NYNRIN: variants seen among roughly 807,000 people sequenced by gnomAD.
The protein encoded by NYNRIN is NYN domain and retroviral integrase containing.
NYNRIN carries 86 observed loss-of-function variants against 146.6 expected under a neutral mutation model. The ratio of observed to expected loss-of-function variants is 0.59; its 90% CI spans 0.49 to 0.70. NYNRIN has a LOEUF of 0.70. Among genes scored for constraint, NYNRIN ranks in the 30% least tolerant of loss-of-function variants. The pLI is 0.00. For missense variants in NYNRIN, 2,191 were observed against 2,377.7 expected (o/e 0.92, Z 1.63); for synonymous variants, 1,027 against 1,001.3 (o/e 1.03, Z -0.48).
chr14:24,416,482 A>C lies in NYNRIN; in HGVS notation c.4733A>C (p.His1578Pro). 1 of 1,613,498 alleles carries C rather than the reference A, an allele frequency of 6.2e-7. No homozygotes were observed. Among genetic ancestry groups the C allele is most frequent in the Non-Finnish European group, 8.5e-7 (1 of 1,179,672 alleles). The change falls in exon 9 of 9, where the codon CAT becomes CCT. Residue 1578 changes from histidine to proline, a missense_variant. Coordinates refer to ENST00000382554, the MANE Select transcript of NYNRIN (RefSeq NM_025081.3). ...LLGWWPGMQE[H>P]VKDYCRSCLF... ...GGGTGGTGGCCTGGGATGCAGGAGCATGTGAAAGATTACTGCAGGAGCTGC... is the reference window on the plus strand; with the variant it reads ...GGGTGGTGGCCTGGGATGCAGGAGCCTGTGAAAGATTACTGCAGGAGCTGC...
In NYNRIN at chr14:24,408,981, C is replaced by T. The variant is rs781246698; in HGVS notation, c.1187C>T (p.Pro396Leu). ...ACFNFPFWQR[P>L]LGPIQLKLPG... ...TTCAATTTCCCCTTCTGGCAGAGAC[C>T]TCTGGGCCCCATTCAGTTGAAGCTG... Residue 396 changes from proline to leucine, a missense_variant, in exon 4 of 9, where the codon CCT becomes CTT. Pro to Leu is a moderately conservative substitution (Grantham distance 98, BLOSUM62 -3). Coordinates refer to ENST00000382554, the MANE Select transcript of NYNRIN (RefSeq NM_025081.3). The T allele has an allele frequency of 5.6e-6, 9 of 1,613,768 alleles. No homozygotes were observed. The highest frequency in any genetic ancestry group is 2.7e-5 in the African/African-American group (2 of 74,950).
At chr14:24,401,111 C>T (rs1414327060) in intron 2 of NYNRIN, among the ~76,000 whole-genome samples, 1 of 152,134 alleles carries the variant, frequency 6.6e-6, no homozygotes, top group African/African-American at 2.4e-5. Context: ...TTCGGAGGTA[C>T]CCCCGCCACC....
intron 2 of NYNRIN, among the ~76,000 whole-genome samples, chr14:24,401,480 G>C (rs1287178808): frequency 6.6e-6 from 1 of 152,118 alleles, no homozygotes; most frequent in East Asian, 1.9e-4. Context: ...GGGGATCTGG[G>C]TTTGATATGC....
At chr14:24,406,282 T>C (rs928700198) in intron 2 of NYNRIN, among the ~76,000 whole-genome samples, 5 of 150,266 alleles carry the variant, frequency 3.3e-5, no homozygotes, top group Non-Finnish European at 5.9e-5. Flanking sequence ...ATAAATATTC[T>C]AAGCTCTCTG....
At position 24,411,150 on chromosome 14, in the gene NYNRIN, G is replaced by A. The variant is rs540767530; in HGVS notation, c.2489G>A (p.Arg830Gln). ...AVQFFWNRGH[R>Q]EVTVFVPTWQ... is the part of the protein sequence containing the mutation. ...CAGTTTTTCTGGAACCGGGGACACC[G>A]AGAGGTCACTGTGTTTGTACCCACC... is the stretch of plus-strand genomic sequence containing the variant. Residue 830 changes from arginine to glutamine, a missense_variant, in exon 5 of 9, where the codon CGA becomes CAA. Physicochemically the swap from Arg to Gln is conservative, Grantham distance 43. Coordinates refer to ENST00000382554, the MANE Select transcript of NYNRIN (RefSeq NM_025081.3). This position sits in a 1 kb window ranked among gnomAD's most constrained non-coding sequence, Gnocchi z 4.3. 1.9e-6 allele frequency: 3 copies of A among 1,609,986 alleles called. No individual in the cohort carries two copies. The highest frequency in any genetic ancestry group is 1.1e-5 in the South Asian group (1 of 90,686).
Position 24,404,323 on chromosome 14 carries a change from A to G in NYNRIN, c.199-3546A>G, listed in dbSNP as rs145894274. ...TTCTGCCATCAAATTTTTAATGTCTAGAAGTCACTTATATTCTCTCTGTTA... is the reference window on the plus strand; with the variant it reads ...TTCTGCCATCAAATTTTTAATGTCTGGAAGTCACTTATATTCTCTCTGTTA... On this transcript the variant is annotated intron_variant, in intron 2 of 8. Coordinates refer to ENST00000382554, the MANE Select transcript of NYNRIN (RefSeq NM_025081.3). 2.7e-4 allele frequency among the ~76,000 whole-genome samples: 41 copies of G among 152,280 alleles called. No individual in the cohort carries two copies. In the East Asian group the frequency reaches 7.9e-3, roughly 29 times the overall value.
chr14:24,413,563 T>C (rs1594742103), intron 8 of NYNRIN, 146 bp downstream of exon 8: 1 of 592,050 alleles, frequency 1.7e-6, no homozygotes, highest in Non-Finnish European at 2.9e-6. Context: ...CATGTTTATG[T>C]GTTCATAAAC....
At position 24,415,652 on chromosome 14, in the gene NYNRIN, C is replaced by T. The variant is rs1164468074; in HGVS notation, c.3903C>T (p.Phe1301=). 20 of 1,613,936 alleles carry T rather than the reference C, an allele frequency of 1.2e-5. No homozygotes were observed. Among genetic ancestry groups the T allele is most frequent in the Non-Finnish European group, 1.6e-5 (19 of 1,179,906 alleles). The part of the protein sequence containing the change: ...MPRFFQVLPP[F]SDLSTFVCIH... ...GCTTCTTCCAGGTTCTGCCGCCTTT[C>T]TCTGACCTGTCCACGTTCGTCTGCA... The change falls in exon 9 of 9, where the codon TTC becomes TTT. Residue 1301 remains phenylalanine (F), a synonymous_variant. Coordinates refer to ENST00000382554, the MANE Select transcript of NYNRIN (RefSeq NM_025081.3).
At position 24,409,228 on chromosome 14, in the gene NYNRIN, G is replaced by T. The variant is rs1352588616; in HGVS notation, c.1434G>T (p.Gln478His). 1.9e-6 allele frequency: 3 copies of T among 1,613,914 alleles called. No homozygotes were observed. Among genetic ancestry groups the T allele is most frequent in the Non-Finnish European group, 2.5e-6 (3 of 1,179,898 alleles). The part of the protein sequence containing the change: ...VKDKVSSDLP[Q>H]IGPPLTSTPQ... ...ACAAAGTTAGCTCGGATCTCCCACA[G>T]ATAGGGCCACCCTTGACCTCTACAC... Residue 478 changes from glutamine to histidine, a missense_variant, in exon 4 of 9, where the codon CAG becomes CAT. Gln to His is a conservative substitution (Grantham distance 24, BLOSUM62 0). Coordinates refer to ENST00000382554, the MANE Select transcript of NYNRIN (RefSeq NM_025081.3).
In NYNRIN at chr14:24,399,300, A is replaced by G. The variant is rs994732026; in HGVS notation, c.54A>G (p.Thr18=). 6.2e-7 allele frequency: 1 copy of G among 1,613,852 alleles called. No individual in the cohort carries two copies. Among genetic ancestry groups the G allele is most frequent in the African/African-American group, 1.3e-5 (1 of 74,932 alleles). ...CGCAGGAATGGTTCATGGTGCAGAC[A>G]AAATCGAAGCCTCGGGTGCAGCGGC... ...PPAQEWFMVQ[T]KSKPRVQRQR... Residue 18 remains threonine, a synonymous_variant, in exon 2 of 9, where the codon ACA becomes ACG. Transcript: ENST00000382554.
rs763906783 is a variant in NYNRIN, at chr14:24,408,562, C to T, written c.857+35C>T. 12 of 1,542,156 alleles carry T rather than the reference C, an allele frequency of 7.8e-6. 1 individual carries two copies. The highest frequency in any genetic ancestry group is 3.5e-4 in the Middle Eastern group (2 of 5,718). On this transcript the variant is annotated intron_variant, in intron 3 of 8. Coordinates refer to ENST00000382554, the MANE Select transcript of NYNRIN (RefSeq NM_025081.3). The stretch of plus-strand genomic sequence containing the variant: ...GGAGAATGAGCCTGGCTTCTCTGAT[C>T]CTACCCCTGCTCCCCTACCCTAAGG...
In NYNRIN at chr14:24,405,878, C is replaced by T. The variant is rs572567085; in HGVS notation, c.199-1991C>T. ...TATATATTTCTTAATTTTAAAATAT[C>T]GGGCCGGGCACGGTGGCTCATACCT... On this transcript the variant is annotated intron_variant, in intron 2 of 8. Transcript: ENST00000382554. Among the ~76,000 whole-genome samples the T allele has an allele frequency of 2.6e-4, 40 of 152,116 alleles. 2 individuals are homozygous for T. In the South Asian group the frequency reaches 7.7e-3, roughly 29 times the overall value.
At position 24,408,998 on chromosome 14, in the gene NYNRIN, T is replaced by C. The variant is rs1394649999; in HGVS notation, c.1204T>C (p.Leu402=). Residue 402 remains leucine, a synonymous_variant, in exon 4 of 9, where the codon TTG becomes CTG. Transcript: ENST00000382554. ...FWQRPLGPIQ[L]KLPGQNPLPL... is the part of the protein sequence containing the mutation. ...GCAGAGACCTCTGGGCCCCATTCAG[T>C]TGAAGCTGCCAGGGCAGAATCCTTT... 2 of 1,613,744 alleles carry C rather than the reference T, an allele frequency of 1.2e-6. No homozygotes were observed. Among genetic ancestry groups the C allele is most frequent in the East Asian group, 4.5e-5 (2 of 44,874 alleles).
Position 24,416,305 on chromosome 14 carries a change from A to G in NYNRIN, c.4556A>G (p.Glu1519Gly). ...TTTAACTCACTCAGCCTCGACAAGG[A>G]GAGTGGCCTGCTTATGTTCAAGGGA... The part of the protein sequence containing the change: ...SAFNSLSLDK[E>G]SGLLMFKGDK... Residue 1519 changes from glutamate to glycine, a missense_variant, in exon 9 of 9, where the codon GAG (glutamate) becomes GGG (glycine). Around this residue, in one of 3 missense-constraint regions of NYNRIN, gnomAD observed 1,291 missense variants for 1,417.0 expected, o/e 0.91. Coordinates refer to ENST00000382554, the MANE Select transcript of NYNRIN (RefSeq NM_025081.3). The G allele has an allele frequency of 6.2e-7, 1 of 1,613,866 alleles. No homozygotes were observed. Among genetic ancestry groups the G allele is most frequent in the South Asian group, 1.1e-5 (1 of 91,060 alleles).
chr14:24,414,689 T>C lies in NYNRIN; in HGVS notation c.2940T>C (p.Ser980=), dbSNP rs1239626761. The C allele has an allele frequency of 3.7e-6, 6 of 1,613,508 alleles. No individual in the cohort carries two copies. The highest frequency in any genetic ancestry group is 5.1e-6 in the Non-Finnish European group (6 of 1,179,746). ...CTGAGCTGAGTGATGACGCTGACTC[T>C]GGGCCCCTGGAGAGTCTGCCGAATA... ...SVTELSDDAD[S]GPLESLPNME... is the part of the protein sequence containing the mutation. Residue 980 remains serine (S), a synonymous_variant, in exon 9 of 9, where the codon TCT becomes TCC. Transcript: ENST00000382554.
At position 24,399,329 on chromosome 14, in the gene NYNRIN, G is replaced by A; in HGVS notation, c.83G>A (p.Arg28Gln). Residue 28 changes from arginine (R) to glutamine (Q), a missense_variant, in exon 2 of 9, where the codon CGG becomes CAG. This residue lies in a region of NYNRIN where 895 missense variants were observed against 941.2 expected (regional missense o/e 0.95). Transcript: ENST00000382554. ...TCGAAGCCTCGGGTGCAGCGGCAGCGGCTGCAAGTGCAGCGCATCTTTAGG... is the reference window on the plus strand; with the variant it reads ...TCGAAGCCTCGGGTGCAGCGGCAGCAGCTGCAAGTGCAGCGCATCTTTAGG... Reference protein sequence around the residue: ...TKSKPRVQRQRLQVQRIFRVK... With the variant: ...TKSKPRVQRQQLQVQRIFRVK... 1.2e-6 allele frequency: 2 copies of A among 1,613,792 alleles called. No individual in the cohort carries two copies. The highest frequency in any genetic ancestry group is 1.7e-6 in the Non-Finnish European group (2 of 1,179,812).
At chr14:24,407,585 A>G (rs1031086824) in intron 2 of NYNRIN, among the ~76,000 whole-genome samples, 1 of 152,088 alleles carries the variant, frequency 6.6e-6, no homozygotes, top group Admixed American at 6.5e-5. Flanking sequence ...CAATTAACCT[A>G]ATCAGTTGAG....
Position 24,416,363 on chromosome 14 carries a change from G to A in NYNRIN, c.4614G>A (p.Thr1538=), listed in dbSNP as rs372376012. Residue 1538 remains threonine, a synonymous_variant, in exon 9 of 9, where the codon ACG becomes ACA. Transcript: ENST00000382554. ...DKKPRVWVVP[T]QLRRDLIFSV... ...AGCCCAGGGTCTGGGTAGTCCCGAC[G>A]CAACTCCGGAGGGATCTGATTTTCT... 21 of 1,613,130 alleles carry A rather than the reference G, an allele frequency of 1.3e-5. No individual in the cohort carries two copies. In the African/African-American group the frequency reaches 2.0e-4, roughly 15 times the overall value.
chr14:24,418,146 G>A lies in NYNRIN; in HGVS notation c.*700G>A. ...CATGGGAAGGGCAAGGGGGAAATGGGTTGGCCTACCTCATTTGACTCCAGC... is the reference window on the plus strand; with the variant it reads ...CATGGGAAGGGCAAGGGGGAAATGGATTGGCCTACCTCATTTGACTCCAGC... On this transcript the variant is annotated 3_prime_UTR_variant, in exon 9 of 9. Transcript: ENST00000382554. 1 of 404,626 alleles carries A rather than the reference G, an allele frequency of 2.5e-6. No individual in the cohort carries two copies. Among genetic ancestry groups the A allele is most frequent in the East Asian group, 7.5e-5 (1 of 13,376 alleles). The allele number at this position is 404,626 out of a possible 1,614,324, so 25.1% of individuals were successfully genotyped here. A position where few individuals can be genotyped will look rare whatever the true frequency, so the allele number is the denominator to read the frequency against.
Sources: gnomAD v4.1 joint callset for allele counts (sites outside exome capture counted in the v4.1 genomes callset) on GRCh38, gnomAD v4.1.1 for gene constraint, gnomAD v4.1.1 regional missense constraint, Gnocchi (gnomAD v3.1) non-coding constraint, MANE v1.5 for transcripts, NCBI Gene and HGNC (gene_info 2026-07-23, HGNC 2026-07-21) for gene names.